ZNF469: variants seen among roughly 807,000 people sequenced by gnomAD.
ZNF469 encodes zinc finger protein 469.
In ZNF469, 1 loss-of-function variant was observed where a neutral mutation model predicts 1.0. The observed-to-expected ratio is 1.00, with a 90% CI of 0.35 to 4.73. The LOEUF is 4.73. Ranked by LOEUF, ZNF469 falls within the 30% of genes most tolerant of loss-of-function variation. The pLI is 0.16. For synonymous variants in ZNF469, 2,703 were observed against 2,363.4 expected (o/e 1.14, Z -4.17); for missense variants, 6,100 against 5,356.3 (o/e 1.14, Z -4.33).
At chr16:88,309,928 A>T in the ZNF469 span, among the ~76,000 whole-genome samples, 1 of 152,212 alleles carries the variant, frequency 6.6e-6, no homozygotes, top group African/African-American at 2.4e-5. Flanking sequence ...CCCCTGCCAG[A>T]GGCCAGATCC....
chr16:88,374,703 G>A, the ZNF469 span, among the ~76,000 whole-genome samples: 1 of 152,214 alleles, frequency 6.6e-6, no homozygotes, highest in Non-Finnish European at 1.5e-5. Context: ...TGTGCAGTGG[G>A]CTGAGCTCAG....
chr16:88,423,803 C>T (rs761947909), intron 1 of ZNF469, among the ~76,000 whole-genome samples: 2 of 152,210 alleles, frequency 1.3e-5, no homozygotes, highest in Non-Finnish European at 2.9e-5. Flanking sequence ...GCTGCTTCCC[C>T]ACATGTGTGA....
the ZNF469 span, among the ~76,000 whole-genome samples, chr16:88,135,759 T>A: frequency 3.1e-5 from 4 of 127,462 alleles, 1 homozygote; most frequent in Non-Finnish European, 6.6e-5. Flanking sequence ...TTTTTTTTTT[T>A]TTTTTTTTTT....
In ZNF469 at chr16:88,429,415, C is replaced by A; in HGVS notation, c.1945C>A (p.Pro649Thr). ...CCCCCAGGAGACGGGCAGCCCCTTC[C>A]CGTCCCCGGAGCCCCCCCACTCCCT... is the stretch of plus-strand genomic sequence containing the variant. ...THPQETGSPF[P>T]SPEPPHSLPT... The change falls in exon 3 of 3, where the codon CCG becomes ACG. Residue 649 changes from proline to threonine, a missense_variant. Pro to Thr is a conservative substitution (Grantham distance 38, BLOSUM62 -1). Coordinates refer to ENST00000565624, the MANE Select transcript of ZNF469 (RefSeq NM_001367624.2). 1.3e-6 allele frequency: 2 copies of A among 1,547,428 alleles called. No individual in the cohort carries two copies. Among genetic ancestry groups the A allele is most frequent in the African/African-American group, 1.4e-5 (1 of 73,076 alleles).
chr16:88,429,360 G>A lies in ZNF469; in HGVS notation c.1890G>A (p.Gly630=), dbSNP rs1289080523. The change falls in exon 3 of 3, where the codon GGG becomes GGA. Residue 630 remains glycine (G), a synonymous_variant. Transcript: ENST00000565624. ...AAAGCCAGCTCCCCGGCCCCCTCGG[G>A]CCCTCGGCCTTCTTCCACCCACCCA... The part of the protein sequence containing the change: ...SEESQLPGPL[G]PSAFFHPPTH... 3 of 1,549,832 alleles carry A rather than the reference G, an allele frequency of 1.9e-6. No homozygotes were observed. The highest frequency in any genetic ancestry group is 1.7e-4 in the Middle Eastern group (1 of 5,990).
rs1460219970 is a variant in ZNF469 at position 88,433,677 on chromosome 16, C to A, written c.6207C>A (p.Ala2069=). The change falls in exon 3 of 3, where the codon GCC becomes GCA. Residue 2069 remains alanine, a synonymous_variant. Coordinates refer to ENST00000565624, the MANE Select transcript of ZNF469 (RefSeq NM_001367624.2). ...PSPNRESLAL[A]LTAAHSRSGS... ...CTAATAGGGAGTCCCTGGCGCTGGC[C>A]TTGACAGCAGCCCACAGCCGAAGTG... The A allele has an allele frequency of 6.5e-7, 1 of 1,549,742 alleles. No individual in the cohort carries two copies. Among genetic ancestry groups the A allele is most frequent in the Non-Finnish European group, 8.7e-7 (1 of 1,146,704 alleles).
chr16:88,360,898 T>C, the ZNF469 span, among the ~76,000 whole-genome samples: 1 of 152,116 alleles, frequency 6.6e-6, no homozygotes, highest in Non-Finnish European at 1.5e-5. Flanking sequence ...TCATGGAAGA[T>C]AATTTTTTCA....
chr16:88,370,601 T>C, the ZNF469 span, among the ~76,000 whole-genome samples: 1 of 152,252 alleles, frequency 6.6e-6, no homozygotes, highest in East Asian at 1.9e-4. Flanking sequence ...CTCACGTGTG[T>C]CACATGTTTG....
chr16:88,108,783 C>G, the ZNF469 span, among the ~76,000 whole-genome samples: 18 of 152,324 alleles, frequency 1.2e-4, no homozygotes, highest in East Asian at 1.9e-4. Flanking sequence ...GCTTCTTGCC[C>G]TCACTCCCCA....
At chr16:88,344,265 C>T in the ZNF469 span, among the ~76,000 whole-genome samples, 26 of 145,890 alleles carry the variant, frequency 1.8e-4, no homozygotes, top group African/African-American at 6.4e-4. Flanking sequence ...GATGGGGGGG[C>T]GGGTTCCGAA....
At position 88,439,341 on chromosome 16, in the gene ZNF469, AGC is replaced by A. The variant is rs1197088186; in HGVS notation, c.*10_*11del. 6.5e-7 allele frequency: 1 copy of A among 1,550,182 alleles called. No individual in the cohort carries two copies. Among genetic ancestry groups the A allele is most frequent in the Non-Finnish European group, 8.7e-7 (1 of 1,146,962 alleles). ...AAGATGCTTCCGAGTAATTTCTAGG[AGC>A]AAGAGCCTGGGACCGGAGCTGGGCG... On this transcript the variant is annotated 3_prime_UTR_variant, in exon 3 of 3. Transcript: ENST00000565624.
At chr16:88,178,387 G>GCGTTCTGAGAACTGAGCACTCCGA in the ZNF469 span, 3 of 152,278 alleles carry the variant, frequency 2.0e-5, no homozygotes, top group Admixed American at 2.0e-4. Context: ...GGGCACTCCG[G>GCGTTCTGAGAACTGAGCACTCCGA]CGTTCTGAGA....
At chr16:88,386,378 C>G (rs771371889) in intron 1 of ZNF469, among the ~76,000 whole-genome samples, 2 of 152,108 alleles carry the variant, frequency 1.3e-5, no homozygotes, top group Non-Finnish European at 2.9e-5. Context: ...GGGACCCCAC[C>G]GTCCCGCCCC....
At chr16:88,354,164 C>G in the ZNF469 span, among the ~76,000 whole-genome samples, 1 of 152,200 alleles carries the variant, frequency 6.6e-6, no homozygotes, top group African/African-American at 2.4e-5. Flanking sequence ...GACACAGCCT[C>G]CTTGCAACCC....
chr16:88,396,168 C>T (rs1244647426), intron 1 of ZNF469, among the ~76,000 whole-genome samples: 1 of 152,254 alleles, frequency 6.6e-6, no homozygotes, highest in African/African-American at 2.4e-5. Context: ...AAACACAACT[C>T]ATAGAACACA....
rs1296585866 is a variant in ZNF469, at chr16:88,437,064, G to A, written c.9594G>A (p.Ala3198=). The change falls in exon 3 of 3, where the codon GCG becomes GCA. Residue 3198 remains alanine (A), a synonymous_variant. Coordinates refer to ENST00000565624, the MANE Select transcript of ZNF469 (RefSeq NM_001367624.2). ...WMYNEHLREH[A]VRFARRGQAR... ...ACAACGAGCACCTGCGTGAGCACGC[G>A]GTCCGCTTCGCCCGCAGGGGGCAGG... 4.5e-6 allele frequency: 7 copies of A among 1,539,950 alleles called. No individual in the cohort carries two copies. In the South Asian group the frequency reaches 6.0e-5, roughly 13 times the overall value.
chr16:88,438,739 C>T lies in ZNF469; in HGVS notation c.11269C>T (p.Leu3757Phe). 6.5e-7 allele frequency: 1 copy of T among 1,550,058 alleles called. No individual in the cohort carries two copies. The highest frequency in any genetic ancestry group is 8.7e-7 in the Non-Finnish European group (1 of 1,146,868). Residue 3757 changes from leucine (L) to phenylalanine (F), a missense_variant, in exon 3 of 3, where the codon CTC becomes TTC. Transcript: ENST00000565624. ...GSQPQPASGQ[L>F]QSETATTPAK... ...CCAGCCCCAGCCAGCCAGCGGGCAG[C>T]TCCAGAGCGAGACAGCCACCACCCC...
intron 2 of ZNF469, among the ~76,000 whole-genome samples, chr16:88,426,786 C>T (rs1466534612): frequency 6.7e-6 from 1 of 148,320 alleles, no homozygotes; most frequent in Non-Finnish European, 1.5e-5. Context: ...GCAGGGGAGT[C>T]CCCGCTTGGA....
chr16:88,366,587 CCAT>C, the ZNF469 span, among the ~76,000 whole-genome samples: 1 of 45,540 alleles, frequency 2.2e-5, no homozygotes, highest in African/African-American at 4.2e-5. Context: ...ACCTTCACCA[CCAT>C]CATCATTGTC....
Sources: gnomAD v4.1 joint callset for allele counts (sites outside exome capture counted in the v4.1 genomes callset) on GRCh38, gnomAD v4.1.1 for gene constraint, MANE v1.5 for transcripts, NCBI Gene and HGNC (gene_info 2026-07-23, HGNC 2026-07-21) for gene names.